The following COPS7B variants were observed in gnomAD, a reference collection of about 807,000 sequenced individuals.
The protein encoded by COPS7B is COP9 signalosome complex subunit 7b.
Under a neutral mutation model 33.4 loss-of-function variants are expected in COPS7B, and 9 were observed. The observed-to-expected ratio is 0.27, with a 90% CI of 0.16 to 0.47. COPS7B has a LOEUF of 0.47. COPS7B is among the 20% of genes least tolerant of loss of function. COPS7B has a pLI of 0.99. For synonymous variants in COPS7B, 119 were observed against 126.3 expected (o/e 0.94, Z 0.39); for missense variants, 242 against 318.2 (o/e 0.76, Z 1.82).
intron 5 of COPS7B, among the ~76,000 whole-genome samples, chr2:231,796,513 T>C (rs770746584): frequency 6.6e-6 from 1 of 152,158 alleles, no homozygotes; most frequent in Non-Finnish European, 1.5e-5. Context: ...GGTGCCTTGG[T>C]TGTAAAATAG....
intron 3 of COPS7B, among the ~76,000 whole-genome samples, chr2:231,792,912 T>C (rs1326777755): frequency 1.3e-5 from 2 of 152,330 alleles, no homozygotes; most frequent in East Asian, 1.9e-4. Flanking sequence ...ACTTCTACTT[T>C]GTGCTGCTGT....
upstream of COPS7B, chr2:231,781,753 G>A: frequency 1.5e-6 from 2 of 1,354,734 alleles, no homozygotes; most frequent in Non-Finnish European, 2.1e-6. Context: ...AAACCCGCCC[G>A]CTGAGTTGGT....
At chr2:231,786,059 C>G (rs1199628984), upstream of COPS7B, 1 of 152,070 alleles carries the variant, frequency 6.6e-6, no homozygotes, top group Non-Finnish European at 1.5e-5. Flanking sequence ...TGTACAGCAC[C>G]TGGCACATGG....
intron 2 of COPS7B, 33 bp downstream of exon 2, chr2:231,788,765 T>C (rs1420596991): frequency 6.3e-7 from 1 of 1,586,494 alleles, no homozygotes; most frequent in Admixed American, 1.8e-5. Flanking sequence ...TTCTCTTTAT[T>C]CTAAGACTCT....
In COPS7B at chr2:231,796,180, G is replaced by A. The variant is rs765652434; in HGVS notation, c.402G>A (p.Glu134=). Residue 134 remains glutamate, a synonymous_variant, in exon 5 of 7, where the codon GAG becomes GAA. Transcript: ENST00000350033. ...GGGAACTAGAAGACCTTATCATTGA[G>A]GCTGTCTACACTGACATCATCCAGG... ...NLRELEDLII[E]AVYTDIIQGK... 1.2e-6 allele frequency: 2 copies of A among 1,614,134 alleles called. No homozygotes were observed. Among genetic ancestry groups the A allele is most frequent in the South Asian group, 2.2e-5 (2 of 91,086 alleles).
chr2:231,794,942 C>G (rs1286476473), intron 4 of COPS7B, among the ~76,000 whole-genome samples: 1 of 143,478 alleles, frequency 7.0e-6, no homozygotes, highest in Admixed American at 7.0e-5. Flanking sequence ...TTTTTTGAGA[C>G]AGAGTGTTGC....
At chr2:231,788,437 G>GTT in intron 1 of COPS7B, 118 bp from the exon 2 acceptor site, 1 of 993,870 alleles carries the variant, frequency 1.0e-6, no homozygotes, top group Non-Finnish European at 1.5e-6. Context: ...CACTTGTCCT[G>GTT]TTTTTTCTTT....
At chr2:231,805,195 A>G (rs1187043536) in intron 6 of COPS7B, among the ~76,000 whole-genome samples, 1 of 152,040 alleles carries the variant, frequency 6.6e-6, no homozygotes, top group Non-Finnish European at 1.5e-5. Context: ...CTTAAAACAA[A>G]TAATATTTCT....
chr2:231,806,165 GT>G (rs1449490710), intron 6 of COPS7B, among the ~76,000 whole-genome samples: 2 of 152,030 alleles, frequency 1.3e-5, no homozygotes, highest in Non-Finnish European at 2.9e-5. Flanking sequence ...TCATAGCATT[GT>G]TTTGTCTTTG....
chr2:231,786,800 T>C (rs563947764), intron 1 of COPS7B, among the ~76,000 whole-genome samples: 26 of 152,272 alleles, frequency 1.7e-4, no homozygotes, highest in Middle Eastern at 3.4e-3. Flanking sequence ...GGCTGCTCGT[T>C]TGCCCCTCTC....
chr2:231,788,045 C>T (rs1559352409), intron 1 of COPS7B, among the ~76,000 whole-genome samples: 1 of 151,262 alleles, frequency 6.6e-6, no homozygotes, highest in Non-Finnish European at 1.5e-5. Context: ...AAGTGTGTTT[C>T]AAACACCAGA....
chr2:231,804,875 CAAAT>C (rs2049847178), intron 6 of COPS7B, among the ~76,000 whole-genome samples: 2 of 152,122 alleles, frequency 1.3e-5, no homozygotes, highest in African/African-American at 4.8e-5. Context: ...AACTGACATG[CAAAT>C]AAATAAACTA....
chr2:231,808,636 T>G lies in COPS7B; in HGVS notation c.*991T>G. 1 of 412,418 alleles carries G rather than the reference T, an allele frequency of 2.4e-6. No homozygotes were observed. Among genetic ancestry groups the G allele is most frequent in the Non-Finnish European group, 4.9e-6 (1 of 204,298 alleles). The allele number at this position is 412,418 out of a possible 1,614,324, so 25.5% of individuals were successfully genotyped here. On this transcript the variant is annotated 3_prime_UTR_variant, in exon 7 of 7. Transcript: ENST00000350033. The stretch of plus-strand genomic sequence containing the variant: ...CAAGAGAAAAAGACTTAACTAGACT[T>G]CTGAACTTGAACAGTTTCAGGTTAT...
chr2:231,790,948 C>G (rs1426301937), intron 2 of COPS7B: 1 of 153,964 alleles, frequency 6.5e-6, no homozygotes, highest in Non-Finnish European at 1.5e-5. Flanking sequence ...CCTTGTTAGC[C>G]AGGATGGTCT....
chr2:231,782,832 T>A (rs1574644255), upstream of COPS7B, among the ~76,000 whole-genome samples: 1 of 152,362 alleles, frequency 6.6e-6, no homozygotes, highest in Non-Finnish European at 1.5e-5. Context: ...AAAAAGTTTT[T>A]TTTTTGTTAA....
intron 6 of COPS7B, among the ~76,000 whole-genome samples, chr2:231,800,873 C>T (rs2049725027): frequency 6.6e-6 from 1 of 152,188 alleles, no homozygotes; most frequent in Non-Finnish European, 1.5e-5. Flanking sequence ...CTGAGCATGG[C>T]CAAAGCTTAG....
rs1370791279 is a variant in COPS7B, at chr2:231,798,916, C to T, written c.588C>T (p.Asn196=). The part of the protein sequence containing the change: ...LGIEQQVLRA[N]QYKENHNRTQ... Reference sequence around the variant, plus strand: ...TCGAGCAGCAAGTTCTGAGAGCCAACCAGTACAAAGAGAACCACAACCGAA... The same window carrying T: ...TCGAGCAGCAAGTTCTGAGAGCCAATCAGTACAAAGAGAACCACAACCGAA... The change falls in exon 6 of 7, where the codon AAC becomes AAT. Residue 196 remains asparagine (N), a synonymous_variant. Transcript: ENST00000350033. 5 of 1,613,986 alleles carry T rather than the reference C, an allele frequency of 3.1e-6. No individual in the cohort carries two copies. The highest frequency in any genetic ancestry group is 1.3e-5 in the African/African-American group (1 of 74,904).
chr2:231,791,665 C>T, intron 2 of COPS7B, 68 bp from the exon 3 acceptor site: 1 of 1,344,078 alleles, frequency 7.4e-7, no homozygotes, highest in Non-Finnish European at 1.1e-6. Context: ...CTCACCCGTC[C>T]TCTGTTTGAA....
At chr2:231,798,987 G>A (rs760156498) in intron 6 of COPS7B, 23 bp downstream of exon 6, 2 of 1,591,978 alleles carry the variant, frequency 1.3e-6, no homozygotes, top group Non-Finnish European at 1.7e-6. Flanking sequence ...AGGAACATTT[G>A]TTTCTCTCTC....
Sources: allele counts gnomAD v4.1 joint callset (sites outside exome capture counted in the v4.1 genomes callset), GRCh38; gene constraint gnomAD v4.1.1; transcripts MANE v1.5; gene names NCBI Gene and HGNC (gene_info 2026-07-23, HGNC 2026-07-21).